Variants in SEMA5B observed in about 807,000 individuals in gnomAD.
SEMA5B encodes semaphorin-5B.
SEMA5B carries 66 observed loss-of-function variants against 135.0 expected under a neutral mutation model. That is an observed-to-expected ratio of 0.49 (90% CI 0.40 to 0.60). The LOEUF (loss-of-function observed/expected upper bound fraction) is 0.60, where lower values mean the gene tolerates loss of function less well. SEMA5B is among the 20% of genes least tolerant of loss of function. The pLI, the probability that SEMA5B is intolerant of heterozygous loss-of-function variation, is 0.00. For synonymous variants in SEMA5B, 690 were observed against 639.5 expected (o/e 1.08, Z -1.19); for missense variants, 1,501 against 1,566.3 (o/e 0.96, Z 0.70).
chr3:123,023,756 A>G (rs1942742080), intron 1 of SEMA5B, among the ~76,000 whole-genome samples: 1 of 152,228 alleles, frequency 6.6e-6, no homozygotes. Flanking sequence ...TGTTGAGGCA[A>G]TGCTGATAAT....
At chr3:122,953,230 C>T (rs899690890) in intron 2 of SEMA5B, among the ~76,000 whole-genome samples, 4 of 152,184 alleles carry the variant, frequency 2.6e-5, no homozygotes, top group Non-Finnish European at 5.9e-5. Flanking sequence ...CCCACCCTCC[C>T]GCTAACCTGT....
At chr3:122,984,640 G>A (rs1576390591) in intron 1 of SEMA5B, among the ~76,000 whole-genome samples, 1 of 152,060 alleles carries the variant, frequency 6.6e-6, no homozygotes. Context: ...TGCTATTTGG[G>A]TAATGGGTAC....
At position 122,913,320 on chromosome 3, in the gene SEMA5B, C is replaced by T. The variant is rs1254276306; in HGVS notation, c.2385G>A (p.Glu795=). Residue 795 remains glutamate, a synonymous_variant, in exon 17 of 23, where the codon GAG becomes GAA. Transcript: ENST00000357599. ...VNVTQGGARQ[E]QRFRFTCRAP... is the part of the protein sequence containing the mutation. ...CGCGGCAGGTGAAGCGGAACCGCTGCTCCTGCCGTGCCCCGCCCTGCGTCA... is the reference window on the plus strand; with the variant it reads ...CGCGGCAGGTGAAGCGGAACCGCTGTTCCTGCCGTGCCCCGCCCTGCGTCA... 6.4e-7 allele frequency: 1 copy of T among 1,570,716 alleles called. No homozygotes were observed. The highest frequency in any genetic ancestry group is 8.6e-7 in the Non-Finnish European group (1 of 1,167,302).
At chr3:122,981,180 C>G (rs1941510755) in intron 1 of SEMA5B, among the ~76,000 whole-genome samples, 1 of 152,266 alleles carries the variant, frequency 6.6e-6, no homozygotes, top group Non-Finnish European at 1.5e-5. Context: ...TCCCAGGGGA[C>G]TGCCCTCCCT....
chr3:122,917,416 ACAC>A, intron 12 of SEMA5B, among the ~76,000 whole-genome samples: 1 of 152,220 alleles, frequency 6.6e-6, no homozygotes, highest in East Asian at 1.9e-4. Flanking sequence ...CTAAAGAGAT[ACAC>A]CAAGAACAAA....
At position 122,926,478 on chromosome 3, in the gene SEMA5B, G is replaced by A. The variant is rs539416552; in HGVS notation, c.1050C>T (p.Gly350=). The part of the protein sequence containing the change: ...MKARLNCSRP[G]EVPFYYNELQ... ...GCTCGTTATAGTAGAAGGGGACCTC[G>A]CCCGGGCGGGAGCAGTTGAGCCGGG... Residue 350 remains glycine, a synonymous_variant, in exon 9 of 23, where the codon GGC becomes GGT. Coordinates refer to ENST00000357599, the MANE Select transcript of SEMA5B (RefSeq NM_001031702.4). 7.4e-6 allele frequency: 12 copies of A among 1,614,226 alleles called. No homozygotes were observed. Among genetic ancestry groups the A allele is most frequent in the East Asian group, 4.5e-5 (2 of 44,880 alleles).
In SEMA5B at chr3:122,912,260, G is replaced by A; in HGVS notation, c.2808C>T (p.Ser936=). 6.2e-7 allele frequency: 1 copy of A among 1,612,324 alleles called. No individual in the cohort carries two copies. The highest frequency in any genetic ancestry group is 2.2e-5 in the East Asian group (1 of 44,786). ...CGGGHYQRTR[S]CTSPAPSPGE... ...CTGGGGAGGGTGCGGGGCTGGTGCA[G>A]GAACGGGTGCGTTGATAGTGACCCC... is the stretch of plus-strand genomic sequence containing the variant. Residue 936 remains serine, a synonymous_variant, in exon 19 of 23, where the codon TCC becomes TCT. Coordinates refer to ENST00000357599, the MANE Select transcript of SEMA5B (RefSeq NM_001031702.4).
Position 123,002,613 on chromosome 3 carries a change from C to T in SEMA5B, c.-39+24851G>A, listed in dbSNP as rs141526343. ...CAAATTGCAGTTCTTTGGAGGGAGCCGTGGGAGGCAGGGGCAGTCCCCAGC... is the reference window on the plus strand; with the variant it reads ...CAAATTGCAGTTCTTTGGAGGGAGCTGTGGGAGGCAGGGGCAGTCCCCAGC... On this transcript the variant is annotated intron_variant, in intron 1 of 22. Transcript: ENST00000357599. Among the ~76,000 whole-genome samples, 292 of 152,254 alleles carry T rather than the reference C, an allele frequency of 1.9e-3. 3 individuals are homozygous for T. The highest frequency in any genetic ancestry group is 6.7e-3 in the African/African-American group (279 of 41,560).
intron 1 of SEMA5B, among the ~76,000 whole-genome samples, chr3:123,001,695 C>G (rs1312804809): frequency 6.6e-6 from 1 of 152,098 alleles, no homozygotes; most frequent in Non-Finnish European, 1.5e-5. Context: ...CCTTGAAAGC[C>G]CAGGCCTGGC....
At chr3:122,976,228 T>G in intron 1 of SEMA5B, 1 of 1,403,548 alleles carries the variant, frequency 7.1e-7, no homozygotes. Context: ...CTGCACCTCC[T>G]GGGAACTTGT....
chr3:122,922,904 A>T (rs971411434), intron 10 of SEMA5B, among the ~76,000 whole-genome samples: 5 of 151,768 alleles, frequency 3.3e-5, no homozygotes, highest in Non-Finnish European at 7.4e-5. Flanking sequence ...CATTCCAGGC[A>T]TATGAACCTT....
At chr3:123,002,215 G>T (rs1213138766) in intron 1 of SEMA5B, among the ~76,000 whole-genome samples, 1 of 152,198 alleles carries the variant, frequency 6.6e-6, no homozygotes, top group Non-Finnish European at 1.5e-5. Flanking sequence ...CTATGCTGGA[G>T]TCAGGTGGAC....
At chr3:122,991,313 G>A (rs1217644110) in intron 1 of SEMA5B, among the ~76,000 whole-genome samples, 1 of 152,164 alleles carries the variant, frequency 6.6e-6, no homozygotes, top group Non-Finnish European at 1.5e-5. Context: ...GGATGAGACC[G>A]AGTCTCAGGG....
At chr3:122,961,617 C>G (rs946294574) in intron 1 of SEMA5B, among the ~76,000 whole-genome samples, 6 of 151,988 alleles carry the variant, frequency 3.9e-5, no homozygotes, top group African/African-American at 1.5e-4. Context: ...CACCACCATA[C>G]CTGGCTAATT....
intron 1 of SEMA5B, among the ~76,000 whole-genome samples, chr3:122,982,897 C>T (rs1941566459): frequency 6.6e-6 from 1 of 152,218 alleles, no homozygotes. Flanking sequence ...GGGGTGGGCT[C>T]AGTTCCCAGG....
chr3:123,000,665 A>C (rs191039979), intron 1 of SEMA5B, among the ~76,000 whole-genome samples: 29 of 152,300 alleles, frequency 1.9e-4, no homozygotes, highest in African/African-American at 7.0e-4. Context: ...CAGGAACTCA[A>C]ACCCAGGGAC....
Position 122,928,999 on chromosome 3 carries a change from A to C in SEMA5B, c.534T>G (p.Thr178=), listed in dbSNP as rs755920274. 10 of 1,612,230 alleles carry C rather than the reference A, an allele frequency of 6.2e-6. No homozygotes were observed. The highest frequency in any genetic ancestry group is 1.1e-5 in the South Asian group (1 of 91,076). Residue 178 remains threonine, a synonymous_variant, in exon 6 of 23, where the codon ACT becomes ACG. Transcript: ENST00000357599. ...TRRSCQSKGK[T]EEECQNYVRV... ...CTGGACCGCCGAGACCACGTACCTCAGTCTTCCCTTTGCTTTGGCAGGAGC... is the reference window on the plus strand; with the variant it reads ...CTGGACCGCCGAGACCACGTACCTCCGTCTTCCCTTTGCTTTGGCAGGAGC...
Position 122,915,466 on chromosome 3 carries a change from T to C in SEMA5B, c.1962A>G (p.Pro654=). 1 of 1,612,616 alleles carries C rather than the reference T, an allele frequency of 6.2e-7. No homozygotes were observed. Among genetic ancestry groups the C allele is most frequent in the Non-Finnish European group, 8.5e-7 (1 of 1,179,166 alleles). ...TGGAGCAGTTGGCGATGTGGATGGC[T>C]GGCCCCAGGCAGTCAAGGCCCCCAC... is the stretch of plus-strand genomic sequence containing the variant. ...PRCGGLDCLG[P]AIHIANCSRN... Residue 654 remains proline (P), a synonymous_variant, in exon 14 of 23, where the codon CCA becomes CCG. Coordinates refer to ENST00000357599, the MANE Select transcript of SEMA5B (RefSeq NM_001031702.4).
Position 122,948,534 on chromosome 3 carries a change from A to G in SEMA5B, c.300T>C (p.Leu100=). 1 of 1,608,210 alleles carries G rather than the reference A, an allele frequency of 6.2e-7. No homozygotes were observed. Among genetic ancestry groups the G allele is most frequent in the Non-Finnish European group, 8.5e-7 (1 of 1,175,784 alleles). The change falls in exon 3 of 23, where the codon CTT becomes CTC. Residue 100 remains leucine, a synonymous_variant. Transcript: ENST00000357599. ...EPSSEQQLCA[L]SKHPTVAFED... ...CAAAGGCCACGGTGGGGTGCTTGCT[A>G]AGGGCGCACAGCTGCTGCTCACTGC...
Sources: allele counts gnomAD v4.1 joint callset (sites outside exome capture counted in the v4.1 genomes callset), GRCh38; gene constraint gnomAD v4.1.1; transcripts MANE v1.5; gene names NCBI Gene and HGNC (gene_info 2026-07-23, HGNC 2026-07-21).